TMEM178B: variants seen among roughly 807,000 people sequenced by gnomAD.
TMEM178B encodes transmembrane protein 178B.
A neutral mutation model predicts 31.0 loss-of-function variants in TMEM178B; 5 were observed. The observed-to-expected ratio is 0.16, with a 90% CI of 0.08 to 0.34. The LOEUF (loss-of-function observed/expected upper bound fraction) is 0.34. Ranked by LOEUF, TMEM178B falls within the 10% of genes least tolerant of loss-of-function variation. The probability of loss-of-function intolerance (pLI) is 1.00; values close to 1 mark genes in which losing one functional copy is unlikely to be tolerated. For missense variants in TMEM178B, 275 were observed against 400.3 expected (o/e 0.69, Z 2.67); for synonymous variants, 164 against 164.0 (o/e 1.00, Z 0.00).
At chr7:141,097,743 C>T (rs1049576475) in intron 1 of TMEM178B, among the ~76,000 whole-genome samples, 5 of 151,772 alleles carry the variant, frequency 3.3e-5, no homozygotes, top group African/African-American at 1.2e-4. Context: ...TTATTTTTCT[C>T]CTTCAACAAA....
intron 1 of TMEM178B, among the ~76,000 whole-genome samples, chr7:141,209,663 A>G (rs1052206538): frequency 3.3e-5 from 5 of 152,156 alleles, no homozygotes; most frequent in African/African-American, 9.7e-5. Context: ...ATCACAGTGC[A>G]GGAGTGTGTT....
At chr7:141,242,489 T>TGC (rs1797640424) in intron 2 of TMEM178B, among the ~76,000 whole-genome samples, 1 of 151,322 alleles carries the variant, frequency 6.6e-6, no homozygotes, top group Non-Finnish European at 1.5e-5. Context: ...TGTGTGTGTG[T>TGC]GTGTGTGTGT....
intron 1 of TMEM178B, among the ~76,000 whole-genome samples, chr7:141,172,467 C>G (rs1796364517): frequency 6.6e-6 from 1 of 152,136 alleles, no homozygotes. Context: ...GTGAAGCAGA[C>G]AAAACAAGGC....
intron 2 of TMEM178B, among the ~76,000 whole-genome samples, chr7:141,299,321 C>T (rs1379912437): frequency 2.0e-5 from 3 of 152,192 alleles, no homozygotes; most frequent in Non-Finnish European, 4.4e-5. Flanking sequence ...GGATTATAGG[C>T]ATGCGCCACC....
rs1802379468 is a variant in TMEM178B at position 141,476,867 on chromosome 7, C to G, written c.*6081C>G. 6.5e-6 allele frequency: 1 copy of G among 154,858 alleles called. No homozygotes were observed. Among genetic ancestry groups the G allele is most frequent in the South Asian group, 2.0e-4 (1 of 4,920 alleles). 9.6% of individuals were successfully genotyped at this position (154,858 alleles called of 1,614,324 possible). On this transcript the variant is annotated 3_prime_UTR_variant, in exon 4 of 4. Coordinates refer to ENST00000565468, the MANE Select transcript of TMEM178B (RefSeq NM_001195278.2). Reference sequence around the variant, plus strand: ...GCCCAGCTGGTAACGGGGGAGCCACCCAACTGCAGGGGGGTGTATGTTCAG... The same window carrying G: ...GCCCAGCTGGTAACGGGGGAGCCACGCAACTGCAGGGGGGTGTATGTTCAG...
chr7:141,208,791 T>C (rs924982845), intron 1 of TMEM178B, among the ~76,000 whole-genome samples: 1 of 152,162 alleles, frequency 6.6e-6, no homozygotes, highest in Admixed American at 6.5e-5. Context: ...AGTGGCAACT[T>C]GTTGAGTTTC....
At chr7:141,377,421 G>T (rs1800237030) in intron 2 of TMEM178B, among the ~76,000 whole-genome samples, 1 of 151,924 alleles carries the variant, frequency 6.6e-6, no homozygotes, top group African/African-American at 2.4e-5. Context: ...GATGTCAGGT[G>T]ATCTGCCTGC....
At chr7:141,172,914 A>G (rs1163018986) in intron 1 of TMEM178B, 1 of 152,202 alleles carries the variant, frequency 6.6e-6, no homozygotes, top group Non-Finnish European at 1.5e-5. Flanking sequence ...GGTGTGTGTG[A>G]CTATGTGTGT....
the TMEM178B span, among the ~76,000 whole-genome samples, chr7:141,496,881 A>T: frequency 6.6e-6 from 1 of 152,110 alleles, no homozygotes; most frequent in Admixed American, 6.6e-5. Flanking sequence ...CAATGTACTG[A>T]TACATAAAGA....
intron 2 of TMEM178B, among the ~76,000 whole-genome samples, chr7:141,352,934 A>G (rs1214490207): frequency 2.6e-5 from 4 of 152,180 alleles, no homozygotes; most frequent in African/African-American, 4.8e-5. Flanking sequence ...AAAAAAGAGA[A>G]CCAAAGATGG....
At chr7:141,358,560 A>G (rs1168742889) in intron 2 of TMEM178B, among the ~76,000 whole-genome samples, 4 of 152,100 alleles carry the variant, frequency 2.6e-5, no homozygotes, top group Admixed American at 6.6e-5. Flanking sequence ...TGAACTTCCA[A>G]CCCTACCCTA....
Position 141,074,606 on chromosome 7 carries a change from G to C in TMEM178B, c.296G>C (p.Arg99Pro), listed in dbSNP as rs1230543739. 2.0e-6 allele frequency: 3 copies of C among 1,535,632 alleles called. No homozygotes were observed. Among genetic ancestry groups the C allele is most frequent in the Non-Finnish European group, 8.7e-7 (1 of 1,146,696 alleles). The change falls in exon 1 of 4, where the codon CGG (arginine) becomes CCG (proline). Residue 99 changes from arginine to proline, a missense_variant. By Grantham distance (103) the Arg-to-Pro change is moderately radical (BLOSUM62 -2). Transcript: ENST00000565468. This position sits in a 1 kb window ranked among gnomAD's most constrained non-coding sequence, Gnocchi z 5.1. ...ATGAGCCCCGCGGACGAGTGCAGCC[G>C]GCAGTACAACTCCACCAACATGGGC... ...FAMSPADECS[R>P]QYNSTNMGLW...
At chr7:141,158,366 GATTACAGGC>G (rs1316683127) in intron 1 of TMEM178B, among the ~76,000 whole-genome samples, 3 of 152,178 alleles carry the variant, frequency 2.0e-5, no homozygotes, top group Non-Finnish European at 4.4e-5. Context: ...AAAATGCTGG[GATTACAGGC>G]ATGAGCCACC....
chr7:141,217,941 G>T (rs1471123149), intron 2 of TMEM178B, among the ~76,000 whole-genome samples: 2 of 152,092 alleles, frequency 1.3e-5, no homozygotes, highest in East Asian at 3.9e-4. Context: ...AAACCCAGAG[G>T]TGTTTTTTGA....
chr7:141,118,978 G>C (rs1471873833), intron 1 of TMEM178B, among the ~76,000 whole-genome samples: 3 of 152,158 alleles, frequency 2.0e-5, no homozygotes, highest in Non-Finnish European at 4.4e-5. Context: ...TATTTGGCAC[G>C]CGTGGCTCTC....
intron 2 of TMEM178B, among the ~76,000 whole-genome samples, chr7:141,234,087 C>T (rs1408740873): frequency 1.3e-5 from 2 of 152,198 alleles, no homozygotes; most frequent in African/African-American, 4.8e-5. Flanking sequence ...GAGAAGGTGA[C>T]TACTCTCTTT....
At chr7:141,495,603 A>G in the TMEM178B span, among the ~76,000 whole-genome samples, 2 of 152,176 alleles carry the variant, frequency 1.3e-5, no homozygotes, top group Non-Finnish European at 2.9e-5. Context: ...AGTTATATTT[A>G]TATACAGATA....
chr7:141,340,464 C>G (rs1586901849), intron 2 of TMEM178B, among the ~76,000 whole-genome samples: 1 of 152,310 alleles, frequency 6.6e-6, no homozygotes, highest in South Asian at 2.1e-4. Context: ...GCACATGTAG[C>G]TGTATTAATA....
chr7:141,505,306 T>C, the TMEM178B span, among the ~76,000 whole-genome samples: 2 of 152,262 alleles, frequency 1.3e-5, no homozygotes, highest in Non-Finnish European at 1.5e-5. Flanking sequence ...CCTCTGGTCA[T>C]AGTAAAGACT....
Sources: gnomAD v4.1 joint callset for allele counts (sites outside exome capture counted in the v4.1 genomes callset) on GRCh38, gnomAD v4.1.1 for gene constraint, Gnocchi (gnomAD v3.1) non-coding constraint, MANE v1.5 for transcripts, NCBI Gene and HGNC (gene_info 2026-07-23, HGNC 2026-07-21) for gene names.